The following RANBP3 variants were observed in gnomAD, a reference collection of about 807,000 sequenced individuals.
The protein encoded by RANBP3 is ran-binding protein 3.
A neutral mutation model predicts 77.3 loss-of-function variants in RANBP3; 14 were observed. That is an observed-to-expected ratio of 0.18 (90% CI 0.12 to 0.28). The LOEUF (loss-of-function observed/expected upper bound fraction) is 0.28. Among genes scored for constraint, RANBP3 ranks in the 10% least tolerant of loss-of-function variants. The pLI is 1.00. For missense variants in RANBP3, 586 were observed against 752.3 expected, an observed-to-expected ratio of 0.78 and a Z score of 2.59; for synonymous variants, 315 against 312.4, an observed-to-expected ratio of 1.01 and a Z score of -0.09.
intron 10 of RANBP3, chr19:5,925,391 C>T (rs900244675): frequency 1.2e-5 from 7 of 577,572 alleles, no homozygotes; most frequent in Admixed American, 6.0e-5. Flanking sequence ...CCTCCATGGG[C>T]CCCTGGACAA....
intron 8 of RANBP3, among the ~76,000 whole-genome samples, chr19:5,930,942 G>C (rs2057980996): frequency 6.6e-6 from 1 of 152,182 alleles, no homozygotes; most frequent in Admixed American, 6.5e-5. Flanking sequence ...AGTCTCTGAG[G>C]GGTGGTTTGG....
intron 3 of RANBP3, among the ~76,000 whole-genome samples, chr19:5,948,055 G>A (rs1437512758): frequency 1.3e-5 from 2 of 152,150 alleles, no homozygotes; most frequent in African/African-American, 2.4e-5. Flanking sequence ...TTCAGAAGCC[G>A]ACTCCACAGA....
intron 14 of RANBP3, among the ~76,000 whole-genome samples, chr19:5,920,178 T>C (rs952025699): frequency 6.6e-6 from 1 of 152,076 alleles, no homozygotes; most frequent in Admixed American, 6.5e-5. Flanking sequence ...GGGAGGACTG[T>C]TTGATGCCAG....
At chr19:5,919,550 C>A (rs1012111343) in intron 14 of RANBP3, among the ~76,000 whole-genome samples, 1 of 152,218 alleles carries the variant, frequency 6.6e-6, no homozygotes, top group Non-Finnish European at 1.5e-5. Context: ...GCTCTATGCC[C>A]TCTCTTTCCA....
In RANBP3 at chr19:5,932,511, C is replaced by T. The variant is rs751626720; in HGVS notation, c.506G>A (p.Arg169Gln). The T allele has an allele frequency of 5.0e-6, 8 of 1,613,724 alleles. 1 individual carries two copies. Among genetic ancestry groups the T allele is most frequent in the African/African-American group, 2.7e-5 (2 of 74,934 alleles). ...LPSQKPKEQQRSVLRPAVLQA... is the reference protein window; with the variant it reads ...LPSQKPKEQQQSVLRPAVLQA... ...TAACACTGCCGGGCGAAGCACGCTC[C>T]GCTGCTGCTCCTTGGGCTTCTGGCT... Residue 169 changes from arginine (R) to glutamine (Q), a missense_variant, in exon 7 of 17, where the codon CGG becomes CAG. Arg to Gln is a conservative substitution (Grantham distance 43, BLOSUM62 1). Around this residue, in one of 5 missense-constraint regions of RANBP3, gnomAD observed 232 missense variants for 271.7 expected, o/e 0.85. Coordinates refer to ENST00000340578, the MANE Select transcript of RANBP3 (RefSeq NM_007322.3).
chr19:5,933,515 G>A (rs201257272), intron 5 of RANBP3, 36 bp from the exon 6 acceptor site: 31 of 1,595,520 alleles, frequency 1.9e-5, no homozygotes, highest in Non-Finnish European at 2.1e-5. Flanking sequence ...CAGCAGGCCT[G>A]CCTGGGCTGG....
rs1435279208 is a variant in RANBP3, at chr19:5,959,843, C to A, written c.23-1870G>T. ...CTGCCAGCTGCCAGGTGACAAGATG[C>A]ACAGGAAGGAGCCAGGGTTTGAGCC... On this transcript the variant is annotated intron_variant, in intron 1 of 16. Transcript: ENST00000340578. The surrounding 1 kb of genome is among the most constrained non-coding windows in gnomAD (Gnocchi z 5.1). Among the ~76,000 whole-genome samples, 1 of 152,094 alleles carries A rather than the reference C, an allele frequency of 6.6e-6. No homozygotes were observed. The highest frequency in any genetic ancestry group is 2.4e-5 in the African/African-American group (1 of 41,406).
chr19:5,953,761 C>T (rs1017133264), intron 2 of RANBP3, among the ~76,000 whole-genome samples: 2 of 152,194 alleles, frequency 1.3e-5, no homozygotes, highest in East Asian at 1.9e-4. Flanking sequence ...TGCATGTAAA[C>T]GCAGGCGTTT....
chr19:5,962,488 C>G (rs1370717828), intron 1 of RANBP3, among the ~76,000 whole-genome samples: 1 of 152,144 alleles, frequency 6.6e-6, no homozygotes, highest in Non-Finnish European at 1.5e-5. Flanking sequence ...AGGCACTCAA[C>G]CGGCAGTTAG....
rs936687602 is a variant in RANBP3, at chr19:5,924,034, C to T, written c.997-120G>A. On this transcript the variant is annotated intron_variant, in intron 11 of 16. Transcript: ENST00000340578. This position sits in a 1 kb window ranked among gnomAD's most constrained non-coding sequence, Gnocchi z 4.7. ...CTGCCCCCAGCACTCCTGCCCACTC[C>T]CGGTGACACCCTGAACTGCCTGGGA... is the stretch of plus-strand genomic sequence containing the variant. 5.4e-6 allele frequency: 4 copies of T among 734,564 alleles called. No homozygotes were observed. The highest frequency in any genetic ancestry group is 9.1e-6 in the Non-Finnish European group (4 of 437,790). The allele number at this position is 734,564 out of a possible 1,614,324, so 45.5% of individuals were successfully genotyped here.
At chr19:5,968,256 G>C (rs1021680560) in intron 1 of RANBP3, among the ~76,000 whole-genome samples, 1 of 152,220 alleles carries the variant, frequency 6.6e-6, no homozygotes, top group African/African-American at 2.4e-5. Flanking sequence ...AGGCAGCAGA[G>C]CAAAACTGAT....
intron 1 of RANBP3, among the ~76,000 whole-genome samples, chr19:5,961,937 C>T (rs2058407982): frequency 6.6e-6 from 1 of 151,738 alleles, no homozygotes. Flanking sequence ...CTACCAAGAG[C>T]GCGTGGTTCC....
intron 3 of RANBP3, among the ~76,000 whole-genome samples, chr19:5,944,626 C>A (rs972899169): frequency 2.0e-5 from 3 of 152,244 alleles, no homozygotes; most frequent in African/African-American, 7.2e-5. Context: ...TAACCCATGC[C>A]CTCCAGAGCC....
At chr19:5,954,274 T>C (rs192289362) in intron 2 of RANBP3, among the ~76,000 whole-genome samples, 9 of 152,218 alleles carry the variant, frequency 5.9e-5, no homozygotes, top group Non-Finnish European at 7.4e-5. Context: ...GGTCCCACAG[T>C]TGATGAGACT....
chr19:5,947,305 CTCTG>C (rs982856382), intron 3 of RANBP3, among the ~76,000 whole-genome samples: 14 of 140,982 alleles, frequency 9.9e-5, no homozygotes, highest in Admixed American at 2.9e-4. Flanking sequence ...CAGAGGGAGA[CTCTG>C]TCTCAAAAAA....
Position 5,917,255 on chromosome 19 carries a change from A to C in RANBP3, c.*355T>G. The C allele has an allele frequency of 2.8e-6, 1 of 361,652 alleles. No homozygotes were observed. 22.4% of individuals were successfully genotyped at this position (361,652 alleles called of 1,614,324 possible). A position where few individuals can be genotyped will look rare whatever the true frequency, so the allele number is the denominator to read the frequency against. On this transcript the variant is annotated 3_prime_UTR_variant, in exon 17 of 17. Transcript: ENST00000340578. ...GAAGGGTGTGGGTGGCGGAGAAGCC[A>C]GGGGCTCTGGCTGGACCCAGAGGCT...
At position 5,957,935 on chromosome 19, in the gene RANBP3, T is replaced by C. The variant is rs2058355005; in HGVS notation, c.61A>G (p.Lys21Glu). ...AIAPPVFVFQ[K>E]DKGQKSPAEQ... ...CCCCTTACCTTTTGTCCTTTATCCT[T>C]CTGAAACACAAAGACGGGCGGAGCA... is the stretch of plus-strand genomic sequence containing the variant. The change falls in exon 2 of 17, where the codon AAG becomes GAG. Residue 21 changes from lysine (K) to glutamate (E), a missense_variant. Lys to Glu is a moderately conservative substitution (Grantham distance 56). Transcript: ENST00000340578. 4 of 1,614,024 alleles carry C rather than the reference T, an allele frequency of 2.5e-6. No individual in the cohort carries two copies. The highest frequency in any genetic ancestry group is 3.4e-6 in the Non-Finnish European group (4 of 1,180,024).
chr19:5,977,836 G>C (rs1422226363), intron 1 of RANBP3, among the ~76,000 whole-genome samples: 2 of 152,242 alleles, frequency 1.3e-5, no homozygotes, highest in Non-Finnish European at 2.9e-5. Context: ...GGCTCCTCTA[G>C]CCAGACGGCT....
chr19:5,961,397 C>T (rs1047005122), intron 1 of RANBP3, among the ~76,000 whole-genome samples: 18 of 149,448 alleles, frequency 1.2e-4, no homozygotes, highest in African/African-American at 3.0e-4. Flanking sequence ...GGTGACAGAG[C>T]GAGATTCCAT....
Sources: gnomAD v4.1 joint callset for allele counts (sites outside exome capture counted in the v4.1 genomes callset) on GRCh38, gnomAD v4.1.1 for gene constraint, gnomAD v4.1.1 regional missense constraint, Gnocchi (gnomAD v3.1) non-coding constraint, MANE v1.5 for transcripts, NCBI Gene and HGNC (gene_info 2026-07-23, HGNC 2026-07-21) for gene names.